The following TMEM269 variants were observed in gnomAD, a reference collection of about 807,000 sequenced individuals.
TMEM269 encodes transmembrane protein 269.
Under a neutral mutation model 15.8 loss-of-function variants are expected in TMEM269, and 12 were observed. The observed-to-expected ratio is 0.76, with a 90% CI of 0.49 to 1.23. The LOEUF is 1.23. TMEM269 is among the 50% of genes most tolerant of loss of function. TMEM269 has a pLI of 0.00. For missense variants in TMEM269, 211 were observed against 245.4 expected (o/e 0.86, Z 0.94); for synonymous variants, 93 against 99.3 (o/e 0.94, Z 0.38).
In TMEM269 at chr1:42,793,650, C is replaced by T. The variant is rs369354640; in HGVS notation, c.189C>T (p.Ser63=). Reference sequence around the variant, plus strand: ...TCTTCACCACCTTCGGCTTGGCCTCCGCTCTGCTCCTAGGCGTGGATGGAC... The same window carrying T: ...TCTTCACCACCTTCGGCTTGGCCTCTGCTCTGCTCCTAGGCGTGGATGGAC... ...FAVFTTFGLA[S]ALLLGVDGLL... The change falls in exon 4 of 6, where the codon TCC becomes TCT. Residue 63 remains serine, a synonymous_variant. Coordinates refer to ENST00000637012, the MANE Select transcript of TMEM269 (RefSeq NM_001354602.2). 24 of 1,550,424 alleles carry T rather than the reference C, an allele frequency of 1.5e-5. No homozygotes were observed. The African/African-American group carries it at 2.5e-4, about 16-fold the overall frequency.
rs150474415 is a variant in TMEM269 at position 42,793,547 on chromosome 1, A to T, written c.140-54A>T. 2.2e-5 allele frequency: 33 copies of T among 1,503,854 alleles called. No homozygotes were observed. In the East Asian group the frequency reaches 8.0e-4, roughly 36 times the overall value. The allele number at this position is 1,503,854 out of a possible 1,614,324, so 93.2% of individuals were successfully genotyped here. A position where few individuals can be genotyped will look rare whatever the true frequency, so the allele number is the denominator to read the frequency against. ...CCAGCTCCCCTACTAGATGGGGGCTAAGGTGCAAGACGTGGGAGTATAAGT... is the reference window on the plus strand; with the variant it reads ...CCAGCTCCCCTACTAGATGGGGGCTTAGGTGCAAGACGTGGGAGTATAAGT... On this transcript the variant is annotated intron_variant, in intron 3 of 5. Coordinates refer to ENST00000637012, the MANE Select transcript of TMEM269 (RefSeq NM_001354602.2).
chr1:42,789,489 A>C (rs1231125256), intron 1 of TMEM269: 2 of 1,535,528 alleles, frequency 1.3e-6, no homozygotes, highest in Admixed American at 2.0e-5. Flanking sequence ...CAGGAGAGTC[A>C]GCATATGGAC....
At chr1:42,791,285 G>A (rs1325438379) in intron 2 of TMEM269, among the ~76,000 whole-genome samples, 1 of 152,162 alleles carries the variant, frequency 6.6e-6, no homozygotes, top group Admixed American at 6.5e-5. Flanking sequence ...CAACCATGCA[G>A]AGTACACATT....
intron 5 of TMEM269, among the ~76,000 whole-genome samples, chr1:42,795,767 A>G (rs1184170610): frequency 2.2e-4 from 33 of 152,238 alleles, no homozygotes; most frequent in Non-Finnish European, 1.0e-4. Flanking sequence ...GTGCTCCTGT[A>G]AACAAGACAA....
Position 42,798,412 on chromosome 1 carries a change from A to G in TMEM269, c.*187A>G. ...GAACTTCACTTCTTTGTCTTTATTCAGGGTTCTGACTCCCTTGCGGACAAT... is the reference window on the plus strand; with the variant it reads ...GAACTTCACTTCTTTGTCTTTATTCGGGGTTCTGACTCCCTTGCGGACAAT... On this transcript the variant is annotated 3_prime_UTR_variant, in exon 6 of 6. Transcript: ENST00000637012. 1.4e-6 allele frequency: 1 copy of G among 702,116 alleles called. No homozygotes were observed. The highest frequency in any genetic ancestry group is 2.3e-6 in the Non-Finnish European group (1 of 434,302). The allele number at this position is 702,116 out of a possible 1,614,324, so 43.5% of individuals were successfully genotyped here.
intron 2 of TMEM269, among the ~76,000 whole-genome samples, chr1:42,790,755 T>G (rs1172424894): frequency 6.6e-6 from 1 of 152,150 alleles, no homozygotes; most frequent in Non-Finnish European, 1.5e-5. Flanking sequence ...ATCCTCTTAG[T>G]ACAGCCTAAT....
intron 1 of TMEM269, among the ~76,000 whole-genome samples, chr1:42,786,164 G>A (rs1653539795): frequency 6.6e-6 from 1 of 152,232 alleles, no homozygotes; most frequent in Admixed American, 6.5e-5. Flanking sequence ...TAGATGGAAG[G>A]TCAATAGATT....
chr1:42,792,331 G>C (rs1040494017), intron 2 of TMEM269, among the ~76,000 whole-genome samples: 4 of 152,168 alleles, frequency 2.6e-5, no homozygotes, highest in African/African-American at 9.7e-5. Context: ...AGGAGAAACA[G>C]GTCATCTGAA....
intron 2 of TMEM269, 34 bp downstream of exon 2, chr1:42,789,968 A>C (rs1383941539): frequency 7.4e-6 from 11 of 1,480,686 alleles, no homozygotes; most frequent in African/African-American, 1.4e-5. Flanking sequence ...CTTAGCCAAG[A>C]GCTGGAGCCA....
At chr1:42,790,754 G>C (rs1023495561) in intron 2 of TMEM269, among the ~76,000 whole-genome samples, 1 of 152,036 alleles carries the variant, frequency 6.6e-6, no homozygotes, top group Non-Finnish European at 1.5e-5. Context: ...TATCCTCTTA[G>C]TACAGCCTAA....
chr1:42,793,481 C>G (rs981459400), intron 3 of TMEM269, 120 bp from the exon 4 acceptor site: 1 of 969,002 alleles, frequency 1.0e-6, no homozygotes, highest in African/African-American at 1.7e-5. Context: ...AGGGGAGCAG[C>G]TGTTGCTTTC....
chr1:42,787,329 G>A (rs1429134473), intron 1 of TMEM269, among the ~76,000 whole-genome samples: 2 of 151,496 alleles, frequency 1.3e-5, no homozygotes, highest in African/African-American at 2.4e-5. Context: ...GGCCGGGCGC[G>A]GTGGCTCACG....
chr1:42,789,467 G>T (rs1438220569), intron 1 of TMEM269: 1 of 1,535,566 alleles, frequency 6.5e-7, no homozygotes, highest in Non-Finnish European at 8.7e-7. Flanking sequence ...TGCATTCTGG[G>T]CCATGGGGCT....
chr1:42,789,818 G>C lies in TMEM269; in HGVS notation c.-76G>C. 6.5e-7 allele frequency: 1 copy of C among 1,546,182 alleles called. No homozygotes were observed. Among genetic ancestry groups the C allele is most frequent in the Non-Finnish European group, 8.8e-7 (1 of 1,142,718 alleles). On this transcript the variant is annotated 5_prime_UTR_variant, in exon 2 of 6. Coordinates refer to ENST00000637012, the MANE Select transcript of TMEM269 (RefSeq NM_001354602.2). ...CAGGTAAGGGTACCAGTTTCTTCCT[G>C]AGCCATGACCAGAGCCATTCCCAGA...
At chr1:42,792,069 G>A (rs975857860) in intron 2 of TMEM269, among the ~76,000 whole-genome samples, 2 of 151,966 alleles carry the variant, frequency 1.3e-5, no homozygotes, top group Admixed American at 6.6e-5. Flanking sequence ...GAGAAAAATG[G>A]ATGAAACCAA....
At position 42,792,915 on chromosome 1, in the gene TMEM269, C is replaced by T; in HGVS notation, c.139+13C>T. The T allele has an allele frequency of 1.3e-6, 2 of 1,543,904 alleles. No homozygotes were observed. Among genetic ancestry groups the T allele is most frequent in the Non-Finnish European group, 1.8e-6 (2 of 1,141,260 alleles). ...TGCTCCAAATTGGGTGAGTTCAGGC[C>T]CCAGGCCCCTAATCCTTGCCCCCAG... On this transcript the variant is annotated intron_variant, in intron 3 of 5. Transcript: ENST00000637012.
intron 2 of TMEM269, among the ~76,000 whole-genome samples, chr1:42,791,526 A>G (rs1310988932): frequency 6.6e-6 from 1 of 152,212 alleles, no homozygotes; most frequent in Non-Finnish European, 1.5e-5. Flanking sequence ...AAAAAAATGA[A>G]AACATGATTT....
intron 5 of TMEM269, among the ~76,000 whole-genome samples, chr1:42,795,504 T>C (rs763534895): frequency 3.4e-4 from 51 of 152,202 alleles, no homozygotes; most frequent in Non-Finnish European, 6.3e-4. Context: ...AAACTTTTTG[T>C]TCAGATGAGA....
Position 42,799,408 on chromosome 1 carries a change from T to C in TMEM269, c.*1183T>C, listed in dbSNP as rs1175274868. ...ACCCTGGATATAACTTTTTTAAGTT[T>C]CCAGAACAATGTATGTGGTAAATAT... On this transcript the variant is annotated 3_prime_UTR_variant, in exon 6 of 6. Transcript: ENST00000637012. The C allele has an allele frequency of 6.6e-6, 1 of 152,164 alleles. No individual in the cohort carries two copies. Among genetic ancestry groups the C allele is most frequent in the Non-Finnish European group, 1.5e-5 (1 of 68,034 alleles). 9.4% of individuals were successfully genotyped at this position (152,164 alleles called of 1,614,324 possible). A position where few individuals can be genotyped will look rare whatever the true frequency, so the allele number is the denominator to read the frequency against.
Sources: gnomAD v4.1 joint callset for allele counts (sites outside exome capture counted in the v4.1 genomes callset) on GRCh38, gnomAD v4.1.1 for gene constraint, MANE v1.5 for transcripts, NCBI Gene and HGNC (gene_info 2026-07-23, HGNC 2026-07-21) for gene names.